NELL1: variants seen among roughly 807,000 people sequenced by gnomAD.
NELL1 encodes the protein protein kinase C-binding protein NELL1.
A neutral mutation model predicts 107.4 loss-of-function variants in NELL1; 76 were observed. The ratio of observed to expected loss-of-function variants is 0.71; its 90% CI spans 0.59 to 0.86. The LOEUF is 0.86. Among genes scored for constraint, NELL1 ranks in the 40% least tolerant of loss-of-function variants. NELL1 has a pLI of 0.00. For missense variants in NELL1, 1,024 were observed against 1,005.5 expected, an observed-to-expected ratio of 1.02 and a Z score of -0.25; for synonymous variants, 353 against 341.2, an observed-to-expected ratio of 1.03 and a Z score of -0.38.
chr11:21,167,212 C>T (rs1334367283), intron 13 of NELL1, among the ~76,000 whole-genome samples: 1 of 151,832 alleles, frequency 6.6e-6, no homozygotes, highest in Non-Finnish European at 1.5e-5. Context: ...TCAAGCATAA[C>T]CTCCATTTGT....
intron 14 of NELL1, among the ~76,000 whole-genome samples, chr11:21,240,766 T>TGGGGGGGG (rs150046714): frequency 9.7e-5 from 6 of 62,138 alleles, no homozygotes; most frequent in African/African-American, 1.4e-4. Context: ...GCCTTTCTAG[T>TGGGGGGGG]GGGGGGGGGG....
chr11:20,744,409 A>G (rs1855957328), intron 2 of NELL1, among the ~76,000 whole-genome samples: 1 of 152,188 alleles, frequency 6.6e-6, no homozygotes. Context: ...TCAGTCAGCT[A>G]TTGCTGTATA....
chr11:21,098,829 C>T (rs1854722145), intron 12 of NELL1, among the ~76,000 whole-genome samples: 1 of 151,982 alleles, frequency 6.6e-6, no homozygotes, highest in Non-Finnish European at 1.5e-5. Context: ...TCTCTGTCTG[C>T]CTCTCGTGTA....
At chr11:21,290,160 G>A (rs1849218227) in intron 14 of NELL1, among the ~76,000 whole-genome samples, 2 of 152,096 alleles carry the variant, frequency 1.3e-5, no homozygotes, top group Non-Finnish European at 2.9e-5. Context: ...ACGAGGTCAG[G>A]AGATCGAGAC....
At chr11:21,430,623 C>T (rs1852942155) in intron 15 of NELL1, among the ~76,000 whole-genome samples, 1 of 152,116 alleles carries the variant, frequency 6.6e-6, no homozygotes, top group African/African-American at 2.4e-5. Flanking sequence ...AGAATCTTGG[C>T]CTTCTGAGAT....
chr11:21,136,764 C>G (rs1372939475), intron 13 of NELL1, among the ~76,000 whole-genome samples: 1 of 152,142 alleles, frequency 6.6e-6, no homozygotes, highest in East Asian at 1.9e-4. Flanking sequence ...TCATCATCAT[C>G]ATTTGGGTTG....
At chr11:21,439,367 A>G (rs1262001359) in intron 15 of NELL1, among the ~76,000 whole-genome samples, 1 of 152,172 alleles carries the variant, frequency 6.6e-6, no homozygotes, top group Non-Finnish European at 1.5e-5. Flanking sequence ...TGCAGGGCCA[A>G]GAACTGGGTG....
At chr11:21,207,115 T>C (rs1008610699) in intron 13 of NELL1, among the ~76,000 whole-genome samples, 1 of 152,210 alleles carries the variant, frequency 6.6e-6, no homozygotes, top group Non-Finnish European at 1.5e-5. Flanking sequence ...ACAGTTAAGC[T>C]CTTCATTAAT....
In NELL1 at chr11:20,692,513, A is replaced by G. The variant is rs911385057; in HGVS notation, c.184+14453A>G. 2.6e-4 allele frequency among the ~76,000 whole-genome samples: 39 copies of G among 151,214 alleles called. No individual in the cohort carries two copies. In the Middle Eastern group the frequency reaches 0.01, roughly 40 times the overall value. ...TTTGTTCTCGTTGGTTTCAAAGAAC[A>G]TCTTTATTTCTGCCTTCATTTCCTT... On this transcript the variant is annotated intron_variant, in intron 2 of 19. Coordinates refer to ENST00000357134, the MANE Select transcript of NELL1 (RefSeq NM_006157.5).
rs34422649 is a variant in NELL1 at position 21,161,944 on chromosome 11, C to CTTTTTTTTT, written c.1426+48246_1426+48254dup. Among the ~76,000 whole-genome samples, 65 of 83,056 alleles carry CTTTTTTTTT rather than the reference C, an allele frequency of 7.8e-4. 2 individuals are homozygous for CTTTTTTTTT. Among genetic ancestry groups the CTTTTTTTTT allele is most frequent in the Admixed American group, 9.5e-4 (5 of 5,270 alleles). The allele number at this position is 83,056 out of a possible 152,430, so 54.5% of individuals were successfully genotyped here. A position where few individuals can be genotyped will look rare whatever the true frequency, so the allele number is the denominator to read the frequency against. On this transcript the variant is annotated intron_variant, in intron 13 of 19. Transcript: ENST00000357134. ...CCAATCTTTTCTCTGGGAACATAAT[C>CTTTTTTTTT]TTTTTTTTTTTTTTTTTTTTTTTTG...
At chr11:21,483,332 G>A (rs1854538973) in intron 15 of NELL1, among the ~76,000 whole-genome samples, 1 of 152,098 alleles carries the variant, frequency 6.6e-6, no homozygotes, top group African/African-American at 2.4e-5. Flanking sequence ...AATGTGTTCT[G>A]TACACATACA....
At chr11:20,938,615 A>AT (rs1408858166) in intron 10 of NELL1, among the ~76,000 whole-genome samples, 1 of 152,142 alleles carries the variant, frequency 6.6e-6, no homozygotes, top group Admixed American at 6.5e-5. Flanking sequence ...GGAGCCAGCC[A>AT]TGCAGGTATT....
intron 14 of NELL1, chr11:21,284,859 A>G: frequency 3.3e-6 from 1 of 301,738 alleles, no homozygotes; most frequent in Middle Eastern, 1.2e-3. Flanking sequence ...CTTGGACAAC[A>G]AAAGTGTCCA....
intron 15 of NELL1, among the ~76,000 whole-genome samples, chr11:21,433,392 C>T (rs1267811655): frequency 6.6e-6 from 1 of 152,058 alleles, no homozygotes; most frequent in Non-Finnish European, 1.5e-5. Flanking sequence ...TGGATAAATA[C>T]CCAGTATTGG....
At chr11:21,003,013 G>A (rs954365062) in intron 12 of NELL1, among the ~76,000 whole-genome samples, 7 of 152,054 alleles carry the variant, frequency 4.6e-5, no homozygotes, top group Non-Finnish European at 8.8e-5. Context: ...TCATCCATTA[G>A]TGGAATTGAT....
At chr11:21,412,228 A>C (rs895059472) in intron 15 of NELL1, among the ~76,000 whole-genome samples, 1 of 152,124 alleles carries the variant, frequency 6.6e-6, no homozygotes, top group African/African-American at 2.4e-5. Flanking sequence ...AAATTCTGTT[A>C]GAGATATTTT....
At chr11:20,896,356 A>G (rs971929747) in intron 5 of NELL1, among the ~76,000 whole-genome samples, 7 of 152,272 alleles carry the variant, frequency 4.6e-5, no homozygotes, top group African/African-American at 1.7e-4. Flanking sequence ...TATACATGCC[A>G]CAATTTCTTT....
At chr11:20,723,077 G>A (rs765306155) in intron 2 of NELL1, among the ~76,000 whole-genome samples, 2 of 152,072 alleles carry the variant, frequency 1.3e-5, no homozygotes, top group Non-Finnish European at 2.9e-5. Flanking sequence ...TGATCCAGTC[G>A]CCTCCCCTGA....
At chr11:21,311,934 C>T (rs1002286940) in intron 14 of NELL1, among the ~76,000 whole-genome samples, 2 of 152,120 alleles carry the variant, frequency 1.3e-5, no homozygotes, top group African/African-American at 4.8e-5. Flanking sequence ...AGGTTATAAG[C>T]TTGGTGCCTT....
Sources: allele counts gnomAD v4.1 joint callset (sites outside exome capture counted in the v4.1 genomes callset), GRCh38; gene constraint gnomAD v4.1.1; transcripts MANE v1.5; gene names NCBI Gene and HGNC (gene_info 2026-07-23, HGNC 2026-07-21).